Variants in SERGEF observed in about 807,000 individuals in gnomAD.
SERGEF encodes the protein secretion regulating guanine nucleotide exchange factor, also known as secretion-regulating guanine nucleotide exchange factor.
SERGEF carries 51 observed loss-of-function variants against 50.0 expected under a neutral mutation model. The observed-to-expected ratio is 1.02, with a 90% CI of 0.81 to 1.29. The LOEUF (loss-of-function observed/expected upper bound fraction) is 1.29, where lower values mean the gene tolerates loss of function less well. SERGEF is among the 50% of genes most tolerant of loss of function. SERGEF has a pLI of 0.00. For synonymous variants in SERGEF, 205 were observed against 212.4 expected (o/e 0.97, Z 0.30); for missense variants, 521 against 557.0 (o/e 0.94, Z 0.65).
rs1462984329 is a variant in SERGEF, at chr11:17,889,669, G to C, written c.1012-11425C>G. The stretch of plus-strand genomic sequence containing the variant: ...ATTGAGACAACTGGAAAAATATACA[G>C]AAGCTCTGTAGATTAGATAAGAGTA... On this transcript the variant is annotated intron_variant, in intron 9 of 10. Coordinates refer to ENST00000265965, the MANE Select transcript of SERGEF (RefSeq NM_012139.4). 1.3e-5 allele frequency among the ~76,000 whole-genome samples: 2 copies of C among 152,134 alleles called. 1 individual carries two copies. Among genetic ancestry groups the C allele is most frequent in the East Asian group, 3.8e-4 (2 of 5,196 alleles).
intron 8 of SERGEF, among the ~76,000 whole-genome samples, chr11:17,961,251 T>A (rs1852990721): frequency 6.6e-6 from 1 of 152,194 alleles, no homozygotes; most frequent in Admixed American, 6.5e-5. Flanking sequence ...AGTCACTGCA[T>A]AATCACTCAA....
At chr11:18,003,594 C>G (rs1242961241) in intron 4 of SERGEF, among the ~76,000 whole-genome samples, 1 of 152,228 alleles carries the variant, frequency 6.6e-6, no homozygotes, top group Non-Finnish European at 1.5e-5. Flanking sequence ...ATCCCAGCTA[C>G]TCGGGAGGCC....
At chr11:17,791,986 A>C (rs1047826154) in intron 10 of SERGEF, among the ~76,000 whole-genome samples, 2 of 152,064 alleles carry the variant, frequency 1.3e-5, no homozygotes, top group Non-Finnish European at 2.9e-5. Context: ...CAGTCTTTTG[A>C]TAAGTGTATG....
intron 8 of SERGEF, among the ~76,000 whole-genome samples, chr11:17,971,276 A>G (rs1240556414): frequency 6.6e-6 from 1 of 152,232 alleles, no homozygotes; most frequent in African/African-American, 2.4e-5. Flanking sequence ...CAGAAGCTGT[A>G]GCAAGTTATC....
intron 10 of SERGEF, among the ~76,000 whole-genome samples, chr11:17,814,785 T>A (rs922411401): frequency 6.6e-6 from 1 of 152,240 alleles, no homozygotes; most frequent in African/African-American, 2.4e-5. Context: ...TGTTGCTGAT[T>A]CCTCTGAGTT....
chr11:17,807,069 T>C (rs1481877729), intron 10 of SERGEF, among the ~76,000 whole-genome samples: 1 of 152,166 alleles, frequency 6.6e-6, no homozygotes, highest in East Asian at 1.9e-4. Flanking sequence ...CTCGATGGAA[T>C]AGCATTTTCT....
intron 9 of SERGEF, among the ~76,000 whole-genome samples, chr11:17,937,352 C>T (rs1852471703): frequency 6.6e-6 from 1 of 151,996 alleles, no homozygotes; most frequent in Admixed American, 6.6e-5. Context: ...GCCAACATAA[C>T]CAAATTCCAT....
Position 17,788,103 on chromosome 11 carries a change from G to T in SERGEF, c.1359C>A (p.Ser453=). 1 of 1,536,540 alleles carries T rather than the reference G, an allele frequency of 6.5e-7. No individual in the cohort carries two copies. The highest frequency in any genetic ancestry group is 8.8e-7 in the Non-Finnish European group (1 of 1,138,646). The change falls in exon 11 of 11, where the codon TCC becomes TCA. Residue 453 remains serine (S), a synonymous_variant. Coordinates refer to ENST00000265965, the MANE Select transcript of SERGEF (RefSeq NM_012139.4). ...ETSTQSQSDW[S]RNGGL ...TTCTCTATCACAGTCCCCCATTTCT[G>T]GACCAGTCAGATTGGCTTTGGGTTG...
intron 10 of SERGEF, among the ~76,000 whole-genome samples, chr11:17,834,659 T>C (rs893663783): frequency 2.6e-5 from 4 of 152,230 alleles, no homozygotes; most frequent in African/African-American, 4.8e-5. Context: ...GAAGTATTCC[T>C]ACTTTCCTAA....
At position 17,991,844 on chromosome 11, in the gene SERGEF, T is replaced by TAA. The variant is rs2133999312; in HGVS notation, c.685+1086_685+1087insTT. Among the ~76,000 whole-genome samples, 1 of 152,324 alleles carries TAA rather than the reference T, an allele frequency of 6.6e-6. No individual in the cohort carries two copies. Among genetic ancestry groups the TAA allele is most frequent in the African/African-American group, 2.4e-5 (1 of 41,572 alleles). ...CATACCACCATTAATTTACATATAT[T>TAA]ATGGGCACACCTGAATTTCCACATA... is the stretch of plus-strand genomic sequence containing the variant. On this transcript the variant is annotated intron_variant, in intron 7 of 10. Coordinates refer to ENST00000265965, the MANE Select transcript of SERGEF (RefSeq NM_012139.4). The surrounding 1 kb of genome is among the most constrained non-coding windows in gnomAD (Gnocchi z 4.9).
At chr11:17,838,589 T>C (rs1850448042) in intron 10 of SERGEF, among the ~76,000 whole-genome samples, 1 of 152,150 alleles carries the variant, frequency 6.6e-6, no homozygotes, top group Non-Finnish European at 1.5e-5. Flanking sequence ...CAGGGAGATA[T>C]TAATATTCTT....
rs749446988 is a variant in SERGEF, at chr11:17,959,536, AAATG to A, written c.941_944del (p.Ser314PhefsTer18). 17 of 1,613,966 alleles carry A rather than the reference AAATG, an allele frequency of 1.1e-5. No individual in the cohort carries two copies. Among genetic ancestry groups the A allele is most frequent in the Non-Finnish European group, 1.3e-5 (15 of 1,179,976 alleles). On this transcript the variant is annotated frameshift_variant, in exon 9 of 11. Transcript: ENST00000265965. LOFTEE classifies it high-confidence loss of function. ...TGTTCGGTGGTCTTGAACAGGGGAGAAATGAATCTTGCTTTTCTAGTTTCCAGCC... is the reference window on the plus strand; with the variant it reads ...TGTTCGGTGGTCTTGAACAGGGGAGAAATCTTGCTTTTCTAGTTTCCAGCC...
chr11:17,929,407 A>G (rs1852311892), intron 9 of SERGEF, among the ~76,000 whole-genome samples: 2 of 152,198 alleles, frequency 1.3e-5, no homozygotes. Context: ...GCTGTGAAGG[A>G]AAGGCAGGAC....
At chr11:17,810,622 T>G (rs1000657657) in intron 10 of SERGEF, among the ~76,000 whole-genome samples, 1 of 152,216 alleles carries the variant, frequency 6.6e-6, no homozygotes, top group African/African-American at 2.4e-5. Flanking sequence ...TGTAGTTCTT[T>G]ATTTCACCTG....
intron 10 of SERGEF, among the ~76,000 whole-genome samples, chr11:17,858,016 G>A (rs1454971217): frequency 6.6e-6 from 1 of 152,184 alleles, no homozygotes; most frequent in Non-Finnish European, 1.5e-5. Context: ...GAGTGGAGGA[G>A]GCTGAAACCC....
chr11:17,834,917 T>C (rs745560750), intron 10 of SERGEF, among the ~76,000 whole-genome samples: 1 of 152,184 alleles, frequency 6.6e-6, no homozygotes, highest in Non-Finnish European at 1.5e-5. Context: ...TGTCAGCTCC[T>C]TGAGAGCATA....
intron 9 of SERGEF, among the ~76,000 whole-genome samples, chr11:17,899,199 G>A (rs923452971): frequency 6.6e-6 from 1 of 152,266 alleles, no homozygotes; most frequent in Middle Eastern, 3.4e-3. Context: ...TTTCTTTATA[G>A]CAGTGTGAGA....
At chr11:17,873,752 G>C (rs534655219) in intron 10 of SERGEF, among the ~76,000 whole-genome samples, 2 of 152,110 alleles carry the variant, frequency 1.3e-5, no homozygotes, top group Non-Finnish European at 2.9e-5. Flanking sequence ...TGGCAAGCCT[G>C]AGTGCTCCAG....
rs143204493 is a variant in SERGEF at position 17,792,764 on chromosome 11, C to T, written c.1049-4351G>A. Among the ~76,000 whole-genome samples the T allele has an allele frequency of 5.3e-5, 8 of 152,284 alleles. No homozygotes were observed. In the East Asian group the frequency reaches 1.5e-3, roughly 29 times the overall value. On this transcript the variant is annotated intron_variant, in intron 10 of 10. Transcript: ENST00000265965. Reference sequence around the variant, plus strand: ...TAAAACAGAGGCTCTAGAATCCAGGCAGGATGGCTCCAGAATCTGTGCTGA... The same window carrying T: ...TAAAACAGAGGCTCTAGAATCCAGGTAGGATGGCTCCAGAATCTGTGCTGA...
Sources: gnomAD v4.1 joint callset for allele counts (sites outside exome capture counted in the v4.1 genomes callset) on GRCh38, gnomAD v4.1.1 for gene constraint, Gnocchi (gnomAD v3.1) non-coding constraint, MANE v1.5 for transcripts, NCBI Gene and HGNC (gene_info 2026-07-23, HGNC 2026-07-21) for gene names.